PNPT1: variants seen among roughly 807,000 people sequenced by gnomAD.
PNPT1 encodes the protein polyribonucleotide nucleotidyltransferase 1, mitochondrial.
Under a neutral mutation model 119.5 loss-of-function variants are expected in PNPT1, and 53 were observed. The observed-to-expected ratio is 0.44, with a 90% CI of 0.36 to 0.56. The LOEUF (loss-of-function observed/expected upper bound fraction) is 0.56, where lower values mean the gene tolerates loss of function less well. Among genes scored for constraint, PNPT1 ranks in the 20% least tolerant of loss-of-function variants. The pLI is 0.00. For missense variants in PNPT1, 948 were observed against 938.5 expected (o/e 1.01, Z -0.13); for synonymous variants, 357 against 322.1 (o/e 1.11, Z -1.16).
chr2:55,653,384 C>T (rs553865069), intron 18 of PNPT1, among the ~76,000 whole-genome samples: 1 of 152,162 alleles, frequency 6.6e-6, no homozygotes, highest in Non-Finnish European at 1.5e-5. Context: ...GAGTTTTTGT[C>T]TAGACCAAAA....
intron 25 of PNPT1, among the ~76,000 whole-genome samples, chr2:55,642,605 CAAAAAA>C (rs559417017): frequency 2.3e-5 from 1 of 44,224 alleles, no homozygotes; most frequent in African/African-American, 9.8e-5. Flanking sequence ...GACTCTGTCC[CAAAAAA>C]AAAAAAAAAA....
chr2:55,652,881 T>C, intron 18 of PNPT1, among the ~76,000 whole-genome samples: 1 of 152,212 alleles, frequency 6.6e-6, no homozygotes, highest in South Asian at 2.1e-4. Flanking sequence ...ACAGAGTCAC[T>C]CTGTTACCCA....
intron 19 of PNPT1, 22 bp from the exon 20 acceptor site, chr2:55,646,508 T>C: frequency 6.3e-7 from 1 of 1,577,778 alleles, no homozygotes; most frequent in Non-Finnish European, 8.6e-7. Flanking sequence ...TAAAAAGTTA[T>C]GACATAGTTT....
intron 15 of PNPT1, 124 bp downstream of exon 15, chr2:55,660,033 G>A: frequency 1.1e-6 from 1 of 885,870 alleles, no homozygotes; most frequent in Non-Finnish European, 1.6e-6. Context: ...GAGCCTGGGA[G>A]GGAGAGGTTG....
At chr2:55,675,929 T>C (rs1697052717) in intron 8 of PNPT1, among the ~76,000 whole-genome samples, 3 of 152,154 alleles carry the variant, frequency 2.0e-5, no homozygotes, top group African/African-American at 7.2e-5. Flanking sequence ...ACAACACTGC[T>C]ATCGATGCTA....
At chr2:55,685,184 T>G in intron 3 of PNPT1, 136 bp from the exon 4 acceptor site, 1 of 588,788 alleles carries the variant, frequency 1.7e-6, no homozygotes, top group Non-Finnish European at 2.6e-6. Context: ...CTTAGCATTT[T>G]GTATCTTTTG....
At chr2:55,655,324 A>G (rs968978994) in intron 17 of PNPT1, among the ~76,000 whole-genome samples, 3 of 152,166 alleles carry the variant, frequency 2.0e-5, no homozygotes, top group African/African-American at 7.2e-5. Context: ...TAGTACAGAC[A>G]GAGTTTCACC....
At chr2:55,655,856 T>G (rs1016199316) in intron 17 of PNPT1, among the ~76,000 whole-genome samples, 7 of 152,230 alleles carry the variant, frequency 4.6e-5, no homozygotes, top group African/African-American at 1.7e-4. Flanking sequence ...CTGTTAACCT[T>G]GTTCTGTGGT....
intron 10 of PNPT1, 108 bp downstream of exon 10, chr2:55,671,887 G>T: frequency 1.3e-6 from 1 of 778,806 alleles, no homozygotes; most frequent in Non-Finnish European, 2.1e-6. Flanking sequence ...TTTTCATTTA[G>T]AGATTTTTAA....
At chr2:55,688,266 C>T (rs1697480007) in intron 1 of PNPT1, among the ~76,000 whole-genome samples, 1 of 152,022 alleles carries the variant, frequency 6.6e-6, no homozygotes, top group Non-Finnish European at 1.5e-5. Context: ...TCTTGAACTC[C>T]TGGCCTCAAG....
At chr2:55,687,424 G>A (rs749994775) in intron 2 of PNPT1, among the ~76,000 whole-genome samples, 49 of 138,568 alleles carry the variant, frequency 3.5e-4, no homozygotes, top group Non-Finnish European at 3.5e-4. Flanking sequence ...TGGAGATGGA[G>A]CAAGAGTCCA....
chr2:55,661,737 G>A (rs963174003), intron 14 of PNPT1, among the ~76,000 whole-genome samples: 8 of 152,088 alleles, frequency 5.3e-5, no homozygotes, highest in Non-Finnish European at 1.2e-4. Flanking sequence ...TCACATTAAA[G>A]AATTAAATGC....
chr2:55,650,865 G>A (rs1320712749), intron 18 of PNPT1, among the ~76,000 whole-genome samples: 1 of 151,506 alleles, frequency 6.6e-6, no homozygotes, highest in Non-Finnish European at 1.5e-5. Context: ...GAGCGTCTCT[G>A]CCCGGCAGCC....
At chr2:55,663,468 G>T (rs10204169) in intron 13 of PNPT1, among the ~76,000 whole-genome samples, 21,572 of 152,114 alleles carry the variant, frequency 0.14, 3,123 homozygotes, top group African/African-American at 0.37. Flanking sequence ...AGAAATAATC[G>T]ATGAAAATTC....
Position 55,680,931 on chromosome 2 carries a change from A to C in PNPT1, c.454-13T>G. ...GATTACACAGAACCTGGTAAAAGGG[A>C]AAAAATTTGATTTGGAAGGGTTATC... On this transcript the variant is annotated splice_polypyrimidine_tract_variant and intron_variant, in intron 5 of 27. Coordinates refer to ENST00000447944, the MANE Select transcript of PNPT1 (RefSeq NM_033109.5). 6.2e-7 allele frequency: 1 copy of C among 1,609,614 alleles called. No homozygotes were observed. The highest frequency in any genetic ancestry group is 8.5e-7 in the Non-Finnish European group (1 of 1,177,296).
rs753018790 is a variant in PNPT1 at position 55,654,939 on chromosome 2, C to T, written c.1456G>A (p.Ala486Thr). 1.2e-6 allele frequency: 2 copies of T among 1,612,794 alleles called. No homozygotes were observed. The highest frequency in any genetic ancestry group is 4.5e-5 in the East Asian group (2 of 44,806). ...VLESNGSSSMASACGGSLALM... is the reference protein window; with the variant it reads ...VLESNGSSSMTSACGGSLALM... ...GCTAAACTTCCGCCACATGCAGATG[C>T]CATAGAAGATGACCCTATAGAAAGA... is the stretch of plus-strand genomic sequence containing the variant. The change falls in exon 18 of 28, where the codon GCA becomes ACA. Residue 486 changes from alanine (A) to threonine (T), a missense_variant. Ala to Thr is a moderately conservative substitution (Grantham distance 58, BLOSUM62 0). Transcript: ENST00000447944.
At position 55,651,179 on chromosome 2, in the gene PNPT1, C is replaced by T. The variant is rs575999792; in HGVS notation, c.1495+3721G>A. Among the ~76,000 whole-genome samples the T allele has an allele frequency of 1.9e-4, 28 of 150,962 alleles. 1 individual carries two copies. The highest frequency in any genetic ancestry group is 9.9e-4 in the East Asian group (5 of 5,064). On this transcript the variant is annotated intron_variant, in intron 18 of 27. Transcript: ENST00000447944. ...TGAGGAGCCCCTCTGCCCGGCCAGC[C>T]GCCCCGTCTGGGAGGTGAGGGGCGC...
At chr2:55,650,556 G>A (rs1384042164) in intron 18 of PNPT1, among the ~76,000 whole-genome samples, 3 of 152,176 alleles carry the variant, frequency 2.0e-5, no homozygotes, top group African/African-American at 4.8e-5. Context: ...GCCTCTGCCC[G>A]GCCGCCACCC....
At chr2:55,647,805 G>A (rs1032985706) in intron 18 of PNPT1, among the ~76,000 whole-genome samples, 7 of 152,132 alleles carry the variant, frequency 4.6e-5, no homozygotes, top group Non-Finnish European at 7.3e-5. Flanking sequence ...TTACAAGCGT[G>A]AGCCACCGCG....
Sources: gnomAD v4.1 joint callset for allele counts (sites outside exome capture counted in the v4.1 genomes callset) on GRCh38, gnomAD v4.1.1 for gene constraint, MANE v1.5 for transcripts, NCBI Gene and HGNC (gene_info 2026-07-23, HGNC 2026-07-21) for gene names.